The following NSMCE1 variants were observed in gnomAD, a reference collection of about 807,000 sequenced individuals.
The protein encoded by NSMCE1 is non-structural maintenance of chromosomes element 1 homolog.
Under a neutral mutation model 29.6 loss-of-function variants are expected in NSMCE1, and 18 were observed. The observed-to-expected ratio is 0.61, with a 90% CI of 0.42 to 0.90. The LOEUF (loss-of-function observed/expected upper bound fraction) is 0.90, where lower values mean the gene tolerates loss of function less well. Ranked by LOEUF, NSMCE1 falls within the 40% of genes least tolerant of loss-of-function variation. The pLI is 0.00. For synonymous variants in NSMCE1, 124 were observed against 133.4 expected (o/e 0.93, Z 0.49); for missense variants, 314 against 343.6 (o/e 0.91, Z 0.68).
Position 27,234,180 on chromosome 16 carries a change from C to T in NSMCE1, c.336+8G>A. On this transcript the variant is annotated splice_region_variant and intron_variant, in intron 4 of 7. Coordinates refer to ENST00000361439, the MANE Select transcript of NSMCE1 (RefSeq NM_145080.4). ...CACCCAATGGGCAATGGGGATTACT[C>T]TACTTACAGCCTTTCTAAACAAATC... The T allele has an allele frequency of 1.3e-6, 2 of 1,596,862 alleles. No individual in the cohort carries two copies. Among genetic ancestry groups the T allele is most frequent in the Non-Finnish European group, 1.7e-6 (2 of 1,164,100 alleles).
intron 1 of NSMCE1, chr16:27,266,300 A>G (rs1471649256): frequency 2.0e-5 from 3 of 152,270 alleles, no homozygotes; most frequent in Admixed American, 6.5e-5. Context: ...ATTGAATGCT[A>G]TAATTTGGTG....
intron 7 of NSMCE1, among the ~76,000 whole-genome samples, 193 bp downstream of exon 7, chr16:27,225,533 A>G (rs2083679693): frequency 1.3e-5 from 2 of 152,228 alleles, no homozygotes; most frequent in Non-Finnish European, 2.9e-5. Context: ...TGGGTTCTAG[A>G]AAGTCCTCTG....
At chr16:27,260,368 AC>A (rs1446864597) in intron 1 of NSMCE1, among the ~76,000 whole-genome samples, 1 of 152,326 alleles carries the variant, frequency 6.6e-6, no homozygotes, top group African/African-American at 2.4e-5. Flanking sequence ...TTTTAAAAAA[AC>A]AAATAGTGTA....
intron 2 of NSMCE1, among the ~76,000 whole-genome samples, chr16:27,247,384 T>C (rs901527929): frequency 2.0e-5 from 3 of 152,214 alleles, no homozygotes; most frequent in Admixed American, 1.3e-4. Flanking sequence ...TGACTGTAAG[T>C]TTCCTGAGGC....
At chr16:27,254,498 C>T (rs913732652) in intron 2 of NSMCE1, among the ~76,000 whole-genome samples, 1 of 152,198 alleles carries the variant, frequency 6.6e-6, no homozygotes, top group Non-Finnish European at 1.5e-5. Flanking sequence ...TCCCCACCAA[C>T]ATGAAAGCTT....
chr16:27,239,542 A>G (rs965929241), intron 2 of NSMCE1, among the ~76,000 whole-genome samples: 1 of 152,230 alleles, frequency 6.6e-6, no homozygotes, highest in Admixed American at 6.5e-5. Context: ...TTAATTAACA[A>G]CACCACTCCT....
At chr16:27,229,372 C>G (rs2083739554) in intron 5 of NSMCE1, among the ~76,000 whole-genome samples, 1 of 152,238 alleles carries the variant, frequency 6.6e-6, no homozygotes, top group South Asian at 2.1e-4. Flanking sequence ...TCGGGCTCCC[C>G]CTCCAGACCA....
At chr16:27,266,320 T>C (rs990878401) in intron 1 of NSMCE1, 2 of 151,686 alleles carry the variant, frequency 1.3e-5, no homozygotes, top group African/African-American at 4.8e-5. Flanking sequence ...GGAAAAGGAG[T>C]GGGAAAAGTA....
At chr16:27,250,843 G>GT (rs200523800) in intron 2 of NSMCE1, among the ~76,000 whole-genome samples, 5,865 of 122,760 alleles carry the variant, frequency 0.048, 356 homozygotes, top group African/African-American at 0.13. Context: ...AATTTTAACT[G>GT]TTTTTTTTTT....
intron 2 of NSMCE1, among the ~76,000 whole-genome samples, chr16:27,248,180 G>A (rs1415468507): frequency 1.3e-5 from 2 of 152,088 alleles, no homozygotes; most frequent in Non-Finnish European, 2.9e-5. Flanking sequence ...CTTTGTGCGG[G>A]CATATAGCTT....
At chr16:27,266,905 T>G (rs1307230277) in intron 1 of NSMCE1, among the ~76,000 whole-genome samples, 1 of 151,850 alleles carries the variant, frequency 6.6e-6, no homozygotes, top group Non-Finnish European at 1.5e-5. Context: ...GCTCATAAAA[T>G]AAGGCATAAT....
intron 3 of NSMCE1, among the ~76,000 whole-genome samples, 155 bp from the exon 4 acceptor site, chr16:27,234,420 C>A (rs2083797104): frequency 6.6e-6 from 1 of 152,168 alleles, no homozygotes. Flanking sequence ...TGTAACCAGG[C>A]GTATATTACA....
chr16:27,242,277 C>G (rs1350851961), intron 2 of NSMCE1, among the ~76,000 whole-genome samples: 1 of 152,196 alleles, frequency 6.6e-6, no homozygotes, highest in Non-Finnish European at 1.5e-5. Flanking sequence ...TAGATTAGCT[C>G]AGTGCTCTGA....
intron 2 of NSMCE1, among the ~76,000 whole-genome samples, chr16:27,256,731 AT>A (rs2084091112): frequency 6.6e-6 from 1 of 152,068 alleles, no homozygotes; most frequent in South Asian, 2.1e-4. Flanking sequence ...AGGGCTTCTT[AT>A]TTGCCCCTCC....
At chr16:27,243,987 C>A (rs542568081) in intron 2 of NSMCE1, among the ~76,000 whole-genome samples, 2 of 152,208 alleles carry the variant, frequency 1.3e-5, no homozygotes, top group Non-Finnish European at 2.9e-5. Context: ...TAAGAGACAA[C>A]AAACCAGAGA....
chr16:27,258,619 T>C (rs1368054381), intron 1 of NSMCE1, among the ~76,000 whole-genome samples: 1 of 152,032 alleles, frequency 6.6e-6, no homozygotes, highest in African/African-American at 2.4e-5. Context: ...TCTTCACCTC[T>C]AAAACTGGGA....
chr16:27,251,172 AT>A (rs2084026256), intron 2 of NSMCE1, among the ~76,000 whole-genome samples: 3 of 50,260 alleles, frequency 6.0e-5, no homozygotes, highest in Non-Finnish European at 9.5e-5. Context: ...ATATATATAT[AT>A]ATATATATAT....
intron 1 of NSMCE1, among the ~76,000 whole-genome samples, chr16:27,267,545 A>T: frequency 6.6e-6 from 1 of 152,214 alleles, no homozygotes; most frequent in South Asian, 2.1e-4. Context: ...GAGTGAACAG[A>T]ACAACTACAA....
intron 1 of NSMCE1, among the ~76,000 whole-genome samples, chr16:27,264,690 A>G (rs1168706497): frequency 1.3e-5 from 2 of 152,214 alleles, no homozygotes; most frequent in African/African-American, 4.8e-5. Context: ...GGCAATATAG[A>G]GAATATATTT....
Sources: gnomAD v4.1 joint callset for allele counts (sites outside exome capture counted in the v4.1 genomes callset) on GRCh38, gnomAD v4.1.1 for gene constraint, MANE v1.5 for transcripts, NCBI Gene and HGNC (gene_info 2026-07-23, HGNC 2026-07-21) for gene names.